Variants in TTC6 observed in about 807,000 individuals in gnomAD.
TTC6 encodes tetratricopeptide repeat domain 6, also known as tetratricopeptide repeat protein 6.
TTC6 carries 172 observed loss-of-function variants against 210.4 expected under a neutral mutation model. The observed-to-expected ratio is 0.82, with a 90% CI of 0.72 to 0.93. The LOEUF is 0.93. Among genes scored for constraint, TTC6 ranks in the 40% least tolerant of loss-of-function variants. The pLI, the probability that TTC6 is intolerant of heterozygous loss-of-function variation, is 0.00. For synonymous variants in TTC6, 804 were observed against 819.6 expected (o/e 0.98, Z 0.32); for missense variants, 2,414 against 2,318.1 (o/e 1.04, Z -0.85).
chr14:37,672,821 A>ATT (rs377117749), intron 1 of TTC6, among the ~76,000 whole-genome samples: 9,820 of 128,894 alleles, frequency 0.076, 519 homozygotes, highest in Middle Eastern at 0.13. Flanking sequence ...TGAATTCCTC[A>ATT]TTTTTTTTTT....
At chr14:37,825,768 T>A (rs921436377) in intron 27 of TTC6, among the ~76,000 whole-genome samples, 1 of 152,130 alleles carries the variant, frequency 6.6e-6, no homozygotes, top group African/African-American at 2.4e-5. Context: ...ATTCAATACA[T>A]ATTTATGTTA....
At chr14:37,754,151 ATGG>A (rs1307070670) in intron 14 of TTC6, among the ~76,000 whole-genome samples, 2 of 152,096 alleles carry the variant, frequency 1.3e-5, no homozygotes, top group Admixed American at 1.3e-4. Flanking sequence ...CACATGTGAC[ATGG>A]TGGTTTGCTG....
intron 18 of TTC6, 56 bp downstream of exon 20, chr14:37,795,408 A>G (rs1225842229): frequency 5.0e-6 from 6 of 1,207,528 alleles, no homozygotes; most frequent in Non-Finnish European, 6.8e-6. Context: ...GAGAAATTGA[A>G]TGGGGATCTT....
intron 30 of TTC6, among the ~76,000 whole-genome samples, chr14:37,841,902 A>G (rs2096211045): frequency 6.6e-6 from 1 of 152,192 alleles, no homozygotes; most frequent in Non-Finnish European, 1.5e-5. Context: ...ATACACAAAC[A>G]ATGCCAACCT....
At chr14:37,791,612 GAA>G (rs1379127070) in intron 16 of TTC6, among the ~76,000 whole-genome samples, 2 of 152,088 alleles carry the variant, frequency 1.3e-5, no homozygotes, top group East Asian at 1.9e-4. Flanking sequence ...GAAAGAAAAA[GAA>G]AAGAGTGTCA....
chr14:37,755,377 G>A (rs1163101225), intron 14 of TTC6, among the ~76,000 whole-genome samples: 2 of 152,122 alleles, frequency 1.3e-5, no homozygotes, highest in Admixed American at 1.3e-4. Flanking sequence ...AAGCTCTTTA[G>A]TTTAATTAGA....
chr14:37,661,735 G>A (rs999085656), intron 1 of TTC6, among the ~76,000 whole-genome samples: 1 of 152,098 alleles, frequency 6.6e-6, no homozygotes, highest in Non-Finnish European at 1.5e-5. Context: ...AATGGGAATA[G>A]CATTAAATCT....
chr14:37,630,314 T>C (rs1200029679), intron 1 of TTC6, among the ~76,000 whole-genome samples: 1 of 152,210 alleles, frequency 6.6e-6, no homozygotes, highest in Non-Finnish European at 1.5e-5. Flanking sequence ...AACTTATTTA[T>C]TTCTGCCTTC....
At chr14:37,608,395 G>A (rs1349238396) in intron 2 of TTC6, among the ~76,000 whole-genome samples, 2 of 151,878 alleles carry the variant, frequency 1.3e-5, no homozygotes, top group Non-Finnish European at 2.9e-5. Flanking sequence ...CTGCAGCCTC[G>A]ACTTCCTGGG....
intron 14 of TTC6, among the ~76,000 whole-genome samples, chr14:37,771,506 T>C (rs1033863557): frequency 1.3e-5 from 2 of 152,310 alleles, no homozygotes; most frequent in East Asian, 3.9e-4. Context: ...TCTTTTCTTT[T>C]TATGCTTTTT....
chr14:37,612,583 A>G (rs535015314), intron 2 of TTC6, among the ~76,000 whole-genome samples: 18 of 152,312 alleles, frequency 1.2e-4, no homozygotes, highest in African/African-American at 4.1e-4. Flanking sequence ...TCTATTTGGG[A>G]GAATCGTGAT....
At chr14:37,619,459 A>C (rs1245897458), upstream of TTC6, among the ~76,000 whole-genome samples, 1 of 152,240 alleles carries the variant, frequency 6.6e-6, no homozygotes, top group Non-Finnish European at 1.5e-5. Context: ...TAAGTGATAA[A>C]AATGCAAAGT....
At chr14:37,827,273 A>C in exon 29 of TTC6, 1 of 1,613,348 alleles carries the variant, frequency 6.2e-7, no homozygotes, top group Non-Finnish European at 8.5e-7. Context: ...ATGCAATGAA[A>C]GACTACCAAG....
chr14:37,666,587 A>T (rs769745721), intron 1 of TTC6, among the ~76,000 whole-genome samples: 7 of 150,542 alleles, frequency 4.6e-5, no homozygotes, highest in Non-Finnish European at 8.9e-5. Context: ...TGCTTCTCTC[A>T]GAGGGTGGCT....
intron 14 of TTC6, among the ~76,000 whole-genome samples, chr14:37,769,718 A>G (rs201730355): frequency 0.94 from 140,709 of 149,596 alleles, 66,500 homozygotes; most frequent in Non-Finnish European, 1. Flanking sequence ...TCTTGCTAGT[A>G]GTCTATCAAT....
intron 13 of TTC6, among the ~76,000 whole-genome samples, chr14:37,751,719 G>C (rs958565476): frequency 3.3e-5 from 5 of 151,848 alleles, no homozygotes; most frequent in South Asian, 2.1e-4. Context: ...TATAAATTAT[G>C]ATATTAAGGC....
At chr14:37,786,845 A>T (rs1157291634) in intron 14 of TTC6, among the ~76,000 whole-genome samples, 1 of 152,040 alleles carries the variant, frequency 6.6e-6, no homozygotes, top group Non-Finnish European at 1.5e-5. Flanking sequence ...TCTTTATTTT[A>T]TTTCTAAAAA....
exon 22 of TTC6, chr14:37,806,430 C>T (rs1437453132): frequency 6.5e-7 from 1 of 1,535,568 alleles, no homozygotes. Flanking sequence ...TCAGCGAGGG[C>T]TTTGTAAAGT....
intron 14 of TTC6, among the ~76,000 whole-genome samples, chr14:37,756,024 T>C (rs906035818): frequency 1.3e-5 from 2 of 152,198 alleles, no homozygotes; most frequent in African/African-American, 2.4e-5. Flanking sequence ...CCTCTCTTAT[T>C]TCCTTGAGCA....
Sources: gnomAD v4.1 joint callset for allele counts (sites outside exome capture counted in the v4.1 genomes callset) on GRCh38, gnomAD v4.1.1 for gene constraint, MANE v1.5 for transcripts, NCBI Gene and HGNC (gene_info 2026-07-23, HGNC 2026-07-21) for gene names.